The following DDT variants were observed in gnomAD, a reference collection of about 807,000 sequenced individuals.
The protein encoded by DDT is D-dopachrome decarboxylase.
In DDT, 4 loss-of-function variants were observed where a neutral mutation model predicts 2.5. The ratio of observed to expected loss-of-function variants is 1.59; its 90% CI spans 0.78 to 3.63. The LOEUF (loss-of-function observed/expected upper bound fraction) is 3.63, where lower values mean the gene tolerates loss of function less well. Among genes scored for constraint, DDT ranks in the 30% most tolerant of loss-of-function variants. The probability of loss-of-function intolerance (pLI) is 0.01; values close to 1 mark genes in which losing one functional copy is unlikely to be tolerated. For synonymous variants in DDT, 11 were observed against 10.0 expected (o/e 1.10, Z -0.19); for missense variants, 32 against 30.0 (o/e 1.07, Z -0.15).
intron 2 of DDT, chr22:23,972,791 A>G: frequency 2.2e-6 from 1 of 445,314 alleles, no homozygotes; most frequent in South Asian, 1.3e-4. Flanking sequence ...GATGGAGTGC[A>G]ATGCGCAATC....
intron 2 of DDT, 169 bp from the exon 3 acceptor site, chr22:23,971,792 G>C: frequency 3.1e-6 from 2 of 641,780 alleles, no homozygotes; most frequent in Non-Finnish European, 5.4e-6. Flanking sequence ...CCCCCAGCAG[G>C]GCAGTGGGAC....
At chr22:23,972,501 A>C (rs1455245697) in intron 2 of DDT, 1 of 167,830 alleles carries the variant, frequency 6.0e-6, no homozygotes, top group African/African-American at 2.4e-5. Context: ...GTACTATGTA[A>C]ATAGTTGTAT....
intron 2 of DDT, chr22:23,972,029 G>A (rs983218148): frequency 1.7e-5 from 6 of 361,464 alleles, no homozygotes; most frequent in African/African-American, 2.2e-5. Flanking sequence ...CGCCACTAAT[G>A]TCTGGGCCAT....
chr22:23,975,384 A>G (rs2033943357), upstream of DDT, among the ~76,000 whole-genome samples: 1 of 148,338 alleles, frequency 6.7e-6, no homozygotes, highest in Non-Finnish European at 1.5e-5. Flanking sequence ...GCGAGACTCC[A>G]TCTCGAAAAA....
In DDT at chr22:23,971,598, C is replaced by T. The variant is rs2033903220; in HGVS notation, c.310G>A (p.Glu104Lys). The change falls in exon 3 of 3, where the codon GAG (glutamate) becomes AAG (lysine). Residue 104 changes from glutamate (E) to lysine (K), a missense_variant. Glu to Lys is a moderately conservative substitution (Grantham distance 56, BLOSUM62 1). Transcript: ENST00000398344. The part of the protein sequence containing the change: ...DRILIRFFPL[E>K]SWQIGKIGTV... ...CCTATCTTGCCAATCTGCCAGGACT[C>T]CAAGGGGAAAAAGCGGATAAGTATC... 1.2e-6 allele frequency: 2 copies of T among 1,614,040 alleles called. No homozygotes were observed.
intron 2 of DDT, chr22:23,972,560 T>C (rs1657259120): frequency 7.6e-6 from 8 of 1,047,678 alleles, no homozygotes; most frequent in Non-Finnish European, 9.2e-6. Flanking sequence ...ATTTTCAGTA[T>C]AGATGCAATT....
chr22:23,972,524 AATG>A (rs2033927181), intron 2 of DDT: 1 of 439,846 alleles, frequency 2.3e-6, no homozygotes, highest in African/African-American at 2.1e-5. Flanking sequence ...TTTAGGGAAT[AATG>A]ACAAGGAATA....
Position 23,971,623 on chromosome 22 carries a change from C to CCGGTCCTGGCCCAGGG in DDT, c.285-1_285insCCCTGGGCCAGGACCG (p.Ile96ProfsTer80). On this transcript the variant is annotated frameshift_variant and splice_region_variant. Coordinates refer to ENST00000398344, the MANE Select transcript of DDT (RefSeq NM_001084392.3). LOFTEE classifies it high-confidence loss of function. ...CCAAGGGGAAAAAGCGGATAAGTAT[C>CCGGTCCTGGCCCAGGG]CTTCAGGAGACAGAGAAAAAGATAT... 1 of 1,613,912 alleles carries CCGGTCCTGGCCCAGGG rather than the reference C, an allele frequency of 6.2e-7. No individual in the cohort carries two copies. The highest frequency in any genetic ancestry group is 8.5e-7 in the Non-Finnish European group (1 of 1,179,872).
chr22:23,971,420 G>A lies in DDT; in HGVS notation c.*131C>T. 1.2e-6 allele frequency: 2 copies of A among 1,612,154 alleles called. No individual in the cohort carries two copies. Among genetic ancestry groups the A allele is most frequent in the Non-Finnish European group, 1.7e-6 (2 of 1,178,900 alleles). ...TATTTCATATGAGGATGAAGAAGAG[G>A]ATTATGTGATCACAGGAATGTTGCA... is the stretch of plus-strand genomic sequence containing the variant. On this transcript the variant is annotated 3_prime_UTR_variant, in exon 3 of 3. Coordinates refer to ENST00000398344, the MANE Select transcript of DDT (RefSeq NM_001084392.3).
intron 2 of DDT, chr22:23,972,016 C>T: frequency 3.2e-6 from 1 of 315,226 alleles, no homozygotes; most frequent in Non-Finnish European, 4.7e-6. Context: ...ACCCCACCAA[C>T]CCCGCCACTA....
upstream of DDT, among the ~76,000 whole-genome samples, chr22:23,975,778 G>GTCC (rs2033949174): frequency 2.0e-5 from 1 of 50,094 alleles, no homozygotes; most frequent in Non-Finnish European, 4.6e-5. Context: ...AGATGACAGA[G>GTCC]TGAGACCCAG....
At chr22:23,975,468 T>C (rs1390603861), upstream of DDT, among the ~76,000 whole-genome samples, 2 of 151,346 alleles carry the variant, frequency 1.3e-5, no homozygotes, top group African/African-American at 4.9e-5. Context: ...TCACTTGAAT[T>C]GTACATTACA....
At chr22:23,971,648 T>G in intron 2 of DDT, 25 bp from the exon 3 acceptor site, 1 of 1,597,126 alleles carries the variant, frequency 6.3e-7, no homozygotes, top group Non-Finnish European at 8.6e-7. Flanking sequence ...GAAAAAGATA[T>G]CATCAGCTCC....
At chr22:23,971,814 G>C in intron 2 of DDT, 191 bp from the exon 3 acceptor site, 1 of 611,948 alleles carries the variant, frequency 1.6e-6, no homozygotes, top group Non-Finnish European at 2.9e-6. Context: ...CTCAGGTGTG[G>C]GAGGTAGCCG....
intron 2 of DDT, 24 bp from the exon 3 acceptor site, chr22:23,971,647 A>G (rs1461027154): frequency 1.3e-6 from 2 of 1,596,450 alleles, no homozygotes; most frequent in Non-Finnish European, 1.7e-6. Context: ...AGAAAAAGAT[A>G]TCATCAGCTC....
chr22:23,971,599 C>T lies in DDT; in HGVS notation c.309G>A (p.Leu103=), dbSNP rs1347062434. The T allele has an allele frequency of 1.2e-6, 2 of 1,613,840 alleles. No individual in the cohort carries two copies. Among genetic ancestry groups the T allele is most frequent in the South Asian group, 2.2e-5 (2 of 91,068 alleles). The change falls in exon 3 of 3, where the codon TTG becomes TTA. Residue 103 remains leucine, a synonymous_variant. Coordinates refer to ENST00000398344, the MANE Select transcript of DDT (RefSeq NM_001084392.3). The part of the protein sequence containing the change: ...QDRILIRFFP[L]ESWQIGKIGT... Reference sequence around the variant, plus strand: ...CTATCTTGCCAATCTGCCAGGACTCCAAGGGGAAAAAGCGGATAAGTATCC... The same window carrying T: ...CTATCTTGCCAATCTGCCAGGACTCTAAGGGGAAAAAGCGGATAAGTATCC...
chr22:23,972,141 C>T (rs990528895), intron 2 of DDT: 1 of 981,846 alleles, frequency 1.0e-6, no homozygotes, highest in Non-Finnish European at 1.2e-6. Context: ...AACAGCCTGT[C>T]TTCTCATCAT....
intron 2 of DDT, chr22:23,972,436 C>T (rs1357720910): frequency 7.0e-6 from 1 of 143,024 alleles, no homozygotes; most frequent in African/African-American, 2.6e-5. Context: ...TACACACATC[C>T]TCTCATATAC....
At position 23,971,486 on chromosome 22, in the gene DDT, C is replaced by CT; in HGVS notation, c.*64dup. 1 of 1,608,690 alleles carries CT rather than the reference C, an allele frequency of 6.2e-7. No homozygotes were observed. Among genetic ancestry groups the CT allele is most frequent in the South Asian group, 1.1e-5 (1 of 90,608 alleles). On this transcript the variant is annotated 3_prime_UTR_variant, in exon 3 of 3. Transcript: ENST00000398344. ...AGCTGGTTATCTCCAGGCCCTCACT[C>CT]TGCCAAGAGATCTCTCTGGAAGAAG...
Sources: allele counts gnomAD v4.1 joint callset (sites outside exome capture counted in the v4.1 genomes callset), GRCh38; gene constraint gnomAD v4.1.1; transcripts MANE v1.5; gene names NCBI Gene and HGNC (gene_info 2026-07-23, HGNC 2026-07-21).